Variants in RARB observed in about 807,000 individuals in gnomAD.
RARB encodes HBV-activated protein.
Under a neutral mutation model 51.9 loss-of-function variants are expected in RARB, and 17 were observed. That is an observed-to-expected ratio of 0.33 (90% CI 0.22 to 0.49). RARB has a LOEUF of 0.49. Ranked by LOEUF, RARB falls within the 20% of genes least tolerant of loss-of-function variation. The pLI is 0.99. For missense variants in RARB, 369 were observed against 550.8 expected, an observed-to-expected ratio of 0.67 and a Z score of 3.30; for synonymous variants, 215 against 195.4, an observed-to-expected ratio of 1.10 and a Z score of -0.84.
chr3:24,829,811 C>T (rs1425410110), intron 1 of RARB, among the ~76,000 whole-genome samples: 1 of 152,234 alleles, frequency 6.6e-6, no homozygotes, highest in Non-Finnish European at 1.5e-5. Context: ...GCCCCGGCTC[C>T]CTTCGCGTCC....
chr3:25,103,690 C>A (rs188767341), intron 3 of RARB, among the ~76,000 whole-genome samples: 43 of 152,270 alleles, frequency 2.8e-4, no homozygotes, highest in Admixed American at 6.5e-4. Flanking sequence ...AAATAACTTG[C>A]CCGGTGTCAC....
chr3:24,834,551 C>T (rs1290297023), intron 1 of RARB, among the ~76,000 whole-genome samples: 4 of 152,164 alleles, frequency 2.6e-5, no homozygotes, highest in Non-Finnish European at 4.4e-5. Flanking sequence ...CTGTTCTGAG[C>T]ATAACCGGCA....
intron 5 of RARB, among the ~76,000 whole-genome samples, chr3:25,231,320 T>G (rs1397494781): frequency 6.6e-6 from 1 of 152,196 alleles, no homozygotes; most frequent in East Asian, 1.9e-4. Context: ...TAAAGTTAGC[T>G]TCTTTGAAGT....
At chr3:24,855,669 A>G (rs1042677349) in intron 1 of RARB, among the ~76,000 whole-genome samples, 2 of 152,044 alleles carry the variant, frequency 1.3e-5, no homozygotes, top group East Asian at 3.8e-4. Context: ...GTTTAAAAAA[A>G]TTTGAACAGA....
chr3:25,164,058 G>C (rs1170512555), intron 4 of RARB, among the ~76,000 whole-genome samples: 1 of 151,864 alleles, frequency 6.6e-6, no homozygotes, highest in Non-Finnish European at 1.5e-5. Context: ...GGGTTGTGTG[G>C]TGACATTCCC....
intron 2 of RARB, among the ~76,000 whole-genome samples, chr3:24,954,904 A>G (rs1695975176): frequency 1.3e-5 from 2 of 151,848 alleles, no homozygotes; most frequent in South Asian, 4.2e-4. Flanking sequence ...GAGCCAGGGG[A>G]GTGTTTTGGG....
At chr3:25,260,074 C>A in intron 5 of RARB, 1 of 819,568 alleles carries the variant, frequency 1.2e-6, no homozygotes, top group Non-Finnish European at 1.5e-6. Flanking sequence ...TTTTCTTGGG[C>A]ACAAGGCCCA....
chr3:25,119,276 T>TG (rs2125328499), intron 3 of RARB, among the ~76,000 whole-genome samples: 1 of 152,228 alleles, frequency 6.6e-6, no homozygotes, highest in African/African-American at 2.4e-5. Flanking sequence ...TGGTGAGGAC[T>TG]GAGGGGTCGG....
chr3:25,077,063 C>A (rs1698885078), intron 3 of RARB, among the ~76,000 whole-genome samples: 1 of 152,178 alleles, frequency 6.6e-6, no homozygotes, highest in Admixed American at 6.5e-5. Context: ...TAAAGTAGGG[C>A]AACTATGCTT....
intron 5 of RARB, among the ~76,000 whole-genome samples, chr3:25,391,674 C>A (rs755675255): frequency 1.4e-4 from 22 of 152,134 alleles, no homozygotes; most frequent in Non-Finnish European, 2.9e-4. Flanking sequence ...TGTTTGTTGG[C>A]CATTTGTATA....
chr3:25,278,976 G>A (rs1048329248), intron 5 of RARB, among the ~76,000 whole-genome samples: 7 of 152,140 alleles, frequency 4.6e-5, no homozygotes, highest in Admixed American at 1.3e-4. Flanking sequence ...AACCCTAAAA[G>A]ATTGTGCAGC....
intron 5 of RARB, among the ~76,000 whole-genome samples, chr3:25,346,138 C>G (rs959905189): frequency 2.0e-5 from 3 of 152,164 alleles, no homozygotes; most frequent in Non-Finnish European, 2.9e-5. Context: ...TCAGTCTTGT[C>G]CTTATTCAGA....
At chr3:24,984,181 C>G (rs1696737537) in intron 2 of RARB, among the ~76,000 whole-genome samples, 1 of 152,118 alleles carries the variant, frequency 6.6e-6, no homozygotes, top group Admixed American at 6.6e-5. Flanking sequence ...ATCAACCAAA[C>G]CAGTGAAGGT....
At chr3:25,497,103 C>T (rs746207762) in intron 2 of RARB, among the ~76,000 whole-genome samples, 5 of 152,148 alleles carry the variant, frequency 3.3e-5, no homozygotes, top group Non-Finnish European at 4.4e-5. Flanking sequence ...AGGCTGGTCT[C>T]GAACTCCCGA....
intron 4 of RARB, among the ~76,000 whole-genome samples, chr3:25,148,786 C>T (rs906522563): frequency 1.1e-4 from 17 of 152,128 alleles, no homozygotes; most frequent in African/African-American, 4.1e-4. Context: ...AGCCTTGTAC[C>T]TTGTAAGTAG....
At chr3:25,497,497 C>G (rs1183390554) in intron 2 of RARB, among the ~76,000 whole-genome samples, 2 of 152,232 alleles carry the variant, frequency 1.3e-5, no homozygotes, top group Non-Finnish European at 2.9e-5. Flanking sequence ...GTCTCACTCT[C>G]TAGGTACCCA....
intron 3 of RARB, among the ~76,000 whole-genome samples, chr3:25,129,569 CAT>C (rs1403623136): frequency 1.3e-5 from 2 of 151,962 alleles, no homozygotes; most frequent in African/African-American, 2.4e-5. Context: ...AAATTATAGT[CAT>C]AGACTACAAA....
intron 5 of RARB, among the ~76,000 whole-genome samples, chr3:25,367,883 A>C (rs1269166565): frequency 6.6e-6 from 1 of 152,032 alleles, no homozygotes; most frequent in East Asian, 1.9e-4. Flanking sequence ...ATTTCAGAAG[A>C]ATCAAGGGGG....
At chr3:25,041,535 G>A in intron 2 of RARB, among the ~76,000 whole-genome samples, 1 of 147,002 alleles carries the variant, frequency 6.8e-6, no homozygotes, top group Non-Finnish European at 1.5e-5. Flanking sequence ...GAGGACATTT[G>A]GGAAAAAAAA....
Sources: allele counts gnomAD v4.1 joint callset (sites outside exome capture counted in the v4.1 genomes callset), GRCh38; gene constraint gnomAD v4.1.1; transcripts MANE v1.5; gene names NCBI Gene and HGNC (gene_info 2026-07-23, HGNC 2026-07-21).